Variants in DISC1 observed in about 807,000 individuals in gnomAD.
DISC1 encodes disrupted in schizophrenia 1 protein.
DISC1 carries 57 observed loss-of-function variants against 84.5 expected under a neutral mutation model. That is an observed-to-expected ratio of 0.67 (90% confidence interval 0.55 to 0.84). The LOEUF (loss-of-function observed/expected upper bound fraction) is 0.84, where lower values mean the gene tolerates loss of function less well. Ranked by LOEUF, DISC1 falls within the 40% of genes least tolerant of loss-of-function variation. The pLI is 0.00. For synonymous variants in DISC1, 411 were observed against 415.2 expected (o/e 0.99, Z 0.12); for missense variants, 1,000 against 1,057.8 (o/e 0.95, Z 0.76).
intron 9 of DISC1, among the ~76,000 whole-genome samples, chr1:231,882,973 A>G (rs2086402444): frequency 6.6e-6 from 1 of 151,834 alleles, no homozygotes; most frequent in Non-Finnish European, 1.5e-5. Flanking sequence ...AGAGAACACA[A>G]GCACAAGCAT....
At chr1:231,680,327 A>T (rs896655648) in intron 1 of DISC1, among the ~76,000 whole-genome samples, 1 of 152,390 alleles carries the variant, frequency 6.6e-6, no homozygotes, top group Non-Finnish European at 1.5e-5. Context: ...GTCCTCAAGT[A>T]TAGATAAAAG....
At chr1:231,871,802 A>G (rs2085486708) in intron 9 of DISC1, among the ~76,000 whole-genome samples, 1 of 152,088 alleles carries the variant, frequency 6.6e-6, no homozygotes, top group African/African-American at 2.4e-5. Context: ...GGGTGGTGAG[A>G]CCAGCTCTGA....
chr1:231,656,747 A>T (rs529497953), intron 1 of DISC1, among the ~76,000 whole-genome samples: 1 of 152,274 alleles, frequency 6.6e-6, no homozygotes, highest in African/African-American at 2.4e-5. Flanking sequence ...TAAGCCCAGC[A>T]TCAATTAGCT....
At chr1:231,650,726 C>T (rs1416157803) in intron 1 of DISC1, among the ~76,000 whole-genome samples, 1 of 152,236 alleles carries the variant, frequency 6.6e-6, no homozygotes, top group Non-Finnish European at 1.5e-5. Flanking sequence ...GGTCTTTTCA[C>T]ATAGTCTCAT....
chr1:231,943,129 T>C (rs2091443347), intron 9 of DISC1, among the ~76,000 whole-genome samples: 1 of 152,218 alleles, frequency 6.6e-6, no homozygotes, highest in Non-Finnish European at 1.5e-5. Context: ...GATAAATCAG[T>C]CTAGTAAATG....
intron 5 of DISC1, 65 bp downstream of exon 5, chr1:231,767,334 G>T (rs2076241489): frequency 6.3e-7 from 1 of 1,594,312 alleles, no homozygotes; most frequent in African/African-American, 1.3e-5. Context: ...ACAGGGTCTT[G>T]CTCTGTTGCC....
At chr1:231,774,262 A>T (rs1044809046) in intron 6 of DISC1, among the ~76,000 whole-genome samples, 1 of 152,158 alleles carries the variant, frequency 6.6e-6, no homozygotes, top group Non-Finnish European at 1.5e-5. Flanking sequence ...TCAAAGAAAA[A>T]AAAAAGGAAT....
At chr1:231,893,042 AG>A (rs1436097166) in intron 9 of DISC1, among the ~76,000 whole-genome samples, 2 of 152,326 alleles carry the variant, frequency 1.3e-5, no homozygotes, top group African/African-American at 4.8e-5. Context: ...TGGTGCCTGT[AG>A]TTCCAGCTAC....
chr1:231,670,305 C>T (rs1310155074), intron 1 of DISC1, among the ~76,000 whole-genome samples: 3 of 152,112 alleles, frequency 2.0e-5, no homozygotes, highest in Admixed American at 6.5e-5. Flanking sequence ...CACAACACAC[C>T]TCCATGACAC....
chr1:231,961,757 T>A (rs1221659549), intron 10 of DISC1, among the ~76,000 whole-genome samples: 1 of 152,218 alleles, frequency 6.6e-6, no homozygotes, highest in Non-Finnish European at 1.5e-5. Context: ...AAATGTACCA[T>A]GTTTTCTTTA....
intron 4 of DISC1, among the ~76,000 whole-genome samples, chr1:231,751,851 G>C (rs2074632506): frequency 6.6e-6 from 1 of 152,222 alleles, no homozygotes; most frequent in Admixed American, 6.5e-5. Flanking sequence ...ATAGACTACA[G>C]TTTGCTCATT....
At chr1:232,008,301 T>TC (rs1164671744) in intron 10 of DISC1, among the ~76,000 whole-genome samples, 1 of 152,226 alleles carries the variant, frequency 6.6e-6, no homozygotes, top group Non-Finnish European at 1.5e-5. Context: ...CATCATATTT[T>TC]CCAGTTGGAA....
chr1:231,845,401 G>C (rs1241639794), intron 9 of DISC1, among the ~76,000 whole-genome samples: 1 of 152,140 alleles, frequency 6.6e-6, no homozygotes, highest in Non-Finnish European at 1.5e-5. Context: ...GAAGGCCGGC[G>C]GGGGGAGGTT....
chr1:231,688,016 G>A (rs1015822465), intron 1 of DISC1, among the ~76,000 whole-genome samples: 10 of 152,120 alleles, frequency 6.6e-5, no homozygotes, highest in Non-Finnish European at 1.3e-4. Context: ...TCAGGAAATG[G>A]TAGGGGAGGT....
chr1:231,722,975 A>G (rs2070057557), intron 3 of DISC1: 2 of 1,171,624 alleles, frequency 1.7e-6, no homozygotes, highest in East Asian at 1.1e-4. Flanking sequence ...AATGTCAGTT[A>G]CGGGAATTAA....
chr1:231,691,674 T>C (rs1328143569), intron 1 of DISC1, among the ~76,000 whole-genome samples: 1 of 152,242 alleles, frequency 6.6e-6, no homozygotes, highest in Non-Finnish European at 1.5e-5. Flanking sequence ...TGTTGAATTG[T>C]TTTCCTTTGG....
intron 1 of DISC1, among the ~76,000 whole-genome samples, chr1:231,690,025 G>A (rs2064797150): frequency 6.6e-6 from 1 of 152,176 alleles, no homozygotes; most frequent in African/African-American, 2.4e-5. Flanking sequence ...CAGGATTCTT[G>A]CTGATCCGGC....
At chr1:231,639,198 G>A (rs2059427742) in intron 1 of DISC1, among the ~76,000 whole-genome samples, 1 of 152,132 alleles carries the variant, frequency 6.6e-6, no homozygotes, top group Non-Finnish European at 1.5e-5. Flanking sequence ...CACTTTTCAT[G>A]TAGATTGCGT....
chr1:231,892,661 C>G (rs2087328527), intron 9 of DISC1, among the ~76,000 whole-genome samples: 1 of 146,414 alleles, frequency 6.8e-6, no homozygotes, highest in East Asian at 2.0e-4. Flanking sequence ...AATATAAAAA[C>G]AGGCAATTAT....
Sources: gnomAD v4.1 joint callset for allele counts (sites outside exome capture counted in the v4.1 genomes callset) on GRCh38, gnomAD v4.1.1 for gene constraint, MANE v1.5 for transcripts, NCBI Gene and HGNC (gene_info 2026-07-23, HGNC 2026-07-21) for gene names.